The following OPCML variants were observed in gnomAD, a reference collection of about 807,000 sequenced individuals.
OPCML encodes the protein opioid binding protein/cell adhesion molecule like.
Under a neutral mutation model 37.8 loss-of-function variants are expected in OPCML, and 13 were observed. That is an observed-to-expected ratio of 0.34 (90% CI 0.22 to 0.55). The LOEUF (loss-of-function observed/expected upper bound fraction) is 0.55. Ranked by LOEUF, OPCML falls within the 20% of genes least tolerant of loss-of-function variation. The probability of loss-of-function intolerance (pLI) is 0.91; values close to 1 mark genes in which losing one functional copy is unlikely to be tolerated. For synonymous variants in OPCML, 176 were observed against 168.8 expected (o/e 1.04, Z -0.33); for missense variants, 341 against 435.6 (o/e 0.78, Z 1.93).
At chr11:133,351,323 C>T (rs753406667) in intron 1 of OPCML, among the ~76,000 whole-genome samples, 1 of 152,136 alleles carries the variant, frequency 6.6e-6, no homozygotes, top group Admixed American at 6.5e-5. Context: ...TCCATCCATT[C>T]CAACACAACT....
In OPCML at chr11:133,140,874, AGAAGACGACGACGACGAC is replaced by A. The variant is rs1949785989; in HGVS notation, c.62-197882_62-197865del. Among the ~76,000 whole-genome samples, 3 of 12,466 alleles carry A rather than the reference AGAAGACGACGACGACGAC, an allele frequency of 2.4e-4. 1 individual carries two copies. The highest frequency in any genetic ancestry group is 6.1e-4 in the Non-Finnish European group (2 of 3,254). The allele number at this position is 12,466 out of a possible 152,430, so 8.2% of individuals were successfully genotyped here. A position where few individuals can be genotyped will look rare whatever the true frequency, so the allele number is the denominator to read the frequency against. On this transcript the variant is annotated intron_variant, in intron 1 of 7. Transcript: ENST00000524381. ...ACGACGAAGAAGACGACGACGACGAAGAAGACGACGACGACGACGAAGACGACGACGACGAAGAAGAAG... is the reference window on the plus strand; with the variant it reads ...ACGACGAAGAAGACGACGACGACGAAGAAGACGACGACGACGAAGAAGAAG...
intron 1 of OPCML, among the ~76,000 whole-genome samples, chr11:133,432,740 GT>G (rs1377906816): frequency 6.6e-6 from 1 of 151,980 alleles, no homozygotes; most frequent in African/African-American, 2.4e-5. Context: ...TACATCCATG[GT>G]TCTCAAACTA....
chr11:132,726,565 T>C (rs1481964247), intron 2 of OPCML, among the ~76,000 whole-genome samples: 1 of 152,014 alleles, frequency 6.6e-6, no homozygotes, highest in Non-Finnish European at 1.5e-5. Context: ...GAAGACTTAG[T>C]CTAAGTTTGT....
At chr11:132,432,229 G>C (rs570262066) in intron 7 of OPCML, among the ~76,000 whole-genome samples, 5 of 152,208 alleles carry the variant, frequency 3.3e-5, no homozygotes, top group Non-Finnish European at 5.9e-5. Context: ...AGTCACTAAG[G>C]GTGATAAAAA....
At position 133,133,674 on chromosome 11, in the gene OPCML, T is replaced by G. The variant is rs192640835; in HGVS notation, c.62-190664A>C. ...CCTCCCTTTGATTAATAACATCCCC[T>G]GCTGCCATGCTGTTTCTTTAAAAAC... is the stretch of plus-strand genomic sequence containing the variant. On this transcript the variant is annotated intron_variant, in intron 1 of 7. Coordinates refer to ENST00000524381, the MANE Select transcript of OPCML (RefSeq NM_001012393.5). Among the ~76,000 whole-genome samples, 226 of 152,302 alleles carry G rather than the reference T, an allele frequency of 1.5e-3. 4 individuals carry two copies. The highest frequency in any genetic ancestry group is 0.014 in the Admixed American group (209 of 15,298).
chr11:133,279,611 C>T (rs576333999), intron 1 of OPCML, among the ~76,000 whole-genome samples: 18 of 152,260 alleles, frequency 1.2e-4, no homozygotes, highest in East Asian at 1.9e-4. Context: ...TTTTCAGACA[C>T]GGCCCCTTCC....
intron 1 of OPCML, among the ~76,000 whole-genome samples, chr11:133,167,252 TTATTA>T (rs1228103128): frequency 4.6e-5 from 7 of 152,288 alleles, no homozygotes; most frequent in East Asian, 3.9e-4. Flanking sequence ...CATTATTATT[TTATTA>T]TATTATCAAT....
intron 1 of OPCML, among the ~76,000 whole-genome samples, chr11:133,209,483 A>T (rs970942761): frequency 2.0e-5 from 3 of 152,254 alleles, no homozygotes; most frequent in Non-Finnish European, 2.9e-5. Flanking sequence ...TGGGGCAAAT[A>T]CTACCCATTT....
intron 1 of OPCML, among the ~76,000 whole-genome samples, chr11:133,295,081 C>T (rs1322428453): frequency 6.6e-6 from 1 of 152,020 alleles, no homozygotes; most frequent in Non-Finnish European, 1.5e-5. Flanking sequence ...GCCTCGGCCT[C>T]CCAAAGTGCT....
intron 2 of OPCML, among the ~76,000 whole-genome samples, chr11:132,816,606 C>T (rs1302252667): frequency 6.6e-6 from 1 of 152,082 alleles, no homozygotes; most frequent in Admixed American, 6.6e-5. Flanking sequence ...ATACGTGACA[C>T]CTGGGTGTTC....
At chr11:132,729,566 C>A (rs1215588782) in intron 2 of OPCML, among the ~76,000 whole-genome samples, 2 of 152,176 alleles carry the variant, frequency 1.3e-5, no homozygotes, top group East Asian at 3.9e-4. Context: ...CTTTGCTCAT[C>A]CAAGGTTCAG....
At chr11:133,069,575 C>T (rs892662855) in intron 1 of OPCML, among the ~76,000 whole-genome samples, 7 of 152,154 alleles carry the variant, frequency 4.6e-5, no homozygotes, top group African/African-American at 1.4e-4. Context: ...TGTGCGACTA[C>T]ACAAATGTGA....
intron 1 of OPCML, among the ~76,000 whole-genome samples, chr11:133,091,539 T>G (rs1021143017): frequency 6.6e-6 from 1 of 152,222 alleles, no homozygotes; most frequent in African/African-American, 2.4e-5. Flanking sequence ...TGAACCAGTG[T>G]GTCCAGGAGG....
intron 2 of OPCML, among the ~76,000 whole-genome samples, chr11:132,938,855 T>C (rs1255275127): frequency 6.6e-6 from 1 of 152,186 alleles, no homozygotes; most frequent in Non-Finnish European, 1.5e-5. Context: ...GTGTTCTCAA[T>C]CCTGGCTCCA....
chr11:132,758,755 T>A (rs548868900), intron 2 of OPCML, among the ~76,000 whole-genome samples: 53 of 152,222 alleles, frequency 3.5e-4, no homozygotes, highest in African/African-American at 9.9e-4. Flanking sequence ...AACGGAGACA[T>A]TTTGACTTCT....
At chr11:133,312,797 A>G (rs895743411) in intron 1 of OPCML, among the ~76,000 whole-genome samples, 2 of 152,222 alleles carry the variant, frequency 1.3e-5, no homozygotes, top group Non-Finnish European at 2.9e-5. Flanking sequence ...TGCCTGCCAC[A>G]TGATAAAAAG....
rs1352367929 is a variant in OPCML at position 132,788,571 on chromosome 11, G to A, written c.147-131252C>T. 2.6e-5 allele frequency among the ~76,000 whole-genome samples: 4 copies of A among 152,212 alleles called. No homozygotes were observed. In the South Asian group the frequency reaches 8.3e-4, roughly 32 times the overall value. On this transcript the variant is annotated intron_variant, in intron 2 of 7. Transcript: ENST00000524381. The stretch of plus-strand genomic sequence containing the variant: ...GCAGGTATTGGGATCTCTTTGAAAT[G>A]CCATCATCATCCCCATCAGCATCAT...
At chr11:133,005,592 T>A in intron 1 of OPCML, 1 of 985,238 alleles carries the variant, frequency 1.0e-6, no homozygotes. Flanking sequence ...CCTTAGGGAC[T>A]ACAGATGTTT....
intron 1 of OPCML, among the ~76,000 whole-genome samples, chr11:133,357,931 A>G (rs1289519127): frequency 1.3e-5 from 2 of 151,608 alleles, no homozygotes; most frequent in Non-Finnish European, 2.9e-5. Flanking sequence ...TCCCCAGCCA[A>G]CCTCCCGGGG....
Sources: allele counts gnomAD v4.1 joint callset (sites outside exome capture counted in the v4.1 genomes callset), GRCh38; gene constraint gnomAD v4.1.1; transcripts MANE v1.5; gene names NCBI Gene and HGNC (gene_info 2026-07-23, HGNC 2026-07-21).